Variants in MAPK8IP3 observed in about 807,000 individuals in gnomAD.
The protein encoded by MAPK8IP3 is C-Jun-amino-terminal kinase-interacting protein 3.
In MAPK8IP3, 49 loss-of-function variants were observed where a neutral mutation model predicts 157.8. That is an observed-to-expected ratio of 0.31 (90% confidence interval 0.25 to 0.39). The LOEUF (loss-of-function observed/expected upper bound fraction) is 0.39, where lower values mean the gene tolerates loss of function less well. Ranked by LOEUF, MAPK8IP3 falls within the 10% of genes least tolerant of loss-of-function variation. MAPK8IP3 has a pLI of 1.00. For missense variants in MAPK8IP3, 1,478 were observed against 1,889.4 expected (o/e 0.78, Z 4.04); for synonymous variants, 897 against 777.7 (o/e 1.15, Z -2.55).
intron 1 of MAPK8IP3, among the ~76,000 whole-genome samples, chr16:1,722,068 A>C (rs1473141450): frequency 2.0e-5 from 3 of 152,120 alleles, no homozygotes; most frequent in Admixed American, 2.0e-4. Flanking sequence ...CCGCACCCAG[A>C]CAACTTTTTG....
chr16:1,743,413 G>A lies in MAPK8IP3; in HGVS notation c.684G>A (p.Val228=). ...TVRAQIGGKL[V]PAGDHWHLSD... ...GTGCACAGATCGGGGGCAAGCTCGT[G>A]CCTGCGGGGGACCACTGGCACCTGA... The change falls in exon 5 of 32, where the codon GTG becomes GTA. Residue 228 remains valine (V), a synonymous_variant. Coordinates refer to ENST00000610761, the MANE Select transcript of MAPK8IP3 (RefSeq NM_001318852.2). This position sits in a 1 kb window ranked among gnomAD's most constrained non-coding sequence, Gnocchi z 5.6. 6.2e-7 allele frequency: 1 copy of A among 1,609,832 alleles called. No individual in the cohort carries two copies. The highest frequency in any genetic ancestry group is 8.5e-7 in the Non-Finnish European group (1 of 1,178,520).
At chr16:1,730,467 C>G (rs966599831) in intron 4 of MAPK8IP3, among the ~76,000 whole-genome samples, 4 of 150,806 alleles carry the variant, frequency 2.7e-5, no homozygotes, top group African/African-American at 9.8e-5. Flanking sequence ...AAGCCGGGCT[C>G]AGTGGCTCAC....
intron 1 of MAPK8IP3, among the ~76,000 whole-genome samples, chr16:1,723,814 C>T (rs1156832846): frequency 5.9e-5 from 9 of 152,226 alleles, no homozygotes; most frequent in Admixed American, 2.6e-4. Flanking sequence ...GGCCCCCAGG[C>T]TCCTCAGACC....
At chr16:1,752,616 T>C (rs2041357710) in intron 8 of MAPK8IP3, 1 of 264,336 alleles carries the variant, frequency 3.8e-6, no homozygotes, top group South Asian at 3.0e-5. Context: ...GGCATGGTGG[T>C]GTGCACCTGT....
At chr16:1,736,491 C>T (rs2039846400) in intron 4 of MAPK8IP3, among the ~76,000 whole-genome samples, 1 of 37,448 alleles carries the variant, frequency 2.7e-5, no homozygotes. Context: ...TGACCGTGAG[C>T]GTCCGTGTGA....
intron 8 of MAPK8IP3, among the ~76,000 whole-genome samples, chr16:1,753,939 C>T (rs1197627096): frequency 1.3e-5 from 2 of 151,724 alleles, no homozygotes; most frequent in East Asian, 2.0e-4. Context: ...TCTGGGAGGC[C>T]GAGGCGGGTG....
In MAPK8IP3 at chr16:1,743,383, G is replaced by A. The variant is rs1003264680; in HGVS notation, c.654G>A (p.Thr218=). The part of the protein sequence containing the change: ...SLNVFPLADG[T]VRAQIGGKLV... ...ACGTGTTCCCCCTGGCTGACGGCAC[G>A]GTACGTGCACAGATCGGGGGCAAGC... The change falls in exon 5 of 32, where the codon ACG becomes ACA. Residue 218 remains threonine (T), a synonymous_variant. Coordinates refer to ENST00000610761, the MANE Select transcript of MAPK8IP3 (RefSeq NM_001318852.2). The surrounding 1 kb of genome is among the most constrained non-coding windows in gnomAD (Gnocchi z 5.6). 1.0e-4 allele frequency: 157 copies of A among 1,576,650 alleles called. No individual in the cohort carries two copies. The highest frequency in any genetic ancestry group is 1.2e-4 in the Non-Finnish European group (137 of 1,165,152).
At chr16:1,730,127 A>G (rs1327262699) in intron 4 of MAPK8IP3, among the ~76,000 whole-genome samples, 1 of 151,902 alleles carries the variant, frequency 6.6e-6, no homozygotes, top group African/African-American at 2.4e-5. Flanking sequence ...TACTGCCTCA[A>G]ATAACTACCT....
rs1177234326 is a variant in MAPK8IP3, at chr16:1,767,713, G to A, written c.3387G>A (p.Glu1129=). ...THQHLQDVDI[E]PYVSKMLGTG... ...AGCATCTACAGGACGTGGACATTGA[G>A]CCCTACGTCAGCAAGATGCTAGGTG... The change falls in exon 27 of 32, where the codon GAG becomes GAA. Residue 1129 remains glutamate, a synonymous_variant. Coordinates refer to ENST00000610761, the MANE Select transcript of MAPK8IP3 (RefSeq NM_001318852.2). The A allele has an allele frequency of 1.9e-6, 3 of 1,612,782 alleles. No homozygotes were observed. Among genetic ancestry groups the A allele is most frequent in the Admixed American group, 1.7e-5 (1 of 60,012 alleles).
chr16:1,767,358 G>A (rs923346085), intron 26 of MAPK8IP3, 61 bp downstream of exon 26: 16 of 1,600,656 alleles, frequency 1.0e-5, no homozygotes, highest in African/African-American at 4.0e-5. Flanking sequence ...CAGCTCTCCC[G>A]CATCTTCCAT....
At chr16:1,757,012 G>T (rs1414076520) in intron 8 of MAPK8IP3, among the ~76,000 whole-genome samples, 1 of 151,684 alleles carries the variant, frequency 6.6e-6, no homozygotes, top group African/African-American at 2.4e-5. Flanking sequence ...CTGGGAAGCC[G>T]AGATGAGAGA....
intron 5 of MAPK8IP3, chr16:1,744,274 A>C: frequency 1.0e-6 from 1 of 985,652 alleles, no homozygotes; most frequent in Non-Finnish European, 1.2e-6. Flanking sequence ...ATGTCCACAG[A>C]GGCAGAGCCC....
intron 6 of MAPK8IP3, 79 bp from the exon 7 acceptor site, chr16:1,748,165 G>A (rs1490609668): frequency 1.0e-5 from 11 of 1,078,418 alleles, no homozygotes; most frequent in Non-Finnish European, 1.4e-5. Flanking sequence ...ACCAGACTCA[G>A]GTTCCGAGGG....
chr16:1,746,270 C>T (rs2040956132), intron 5 of MAPK8IP3: 2 of 152,244 alleles, frequency 1.3e-5, no homozygotes. Context: ...TTAGGAAAGA[C>T]CATTGGAAAG....
intron 31 of MAPK8IP3, 23 bp downstream of exon 31, chr16:1,768,649 G>T (rs1446197807): frequency 6.2e-7 from 1 of 1,610,542 alleles, no homozygotes; most frequent in East Asian, 2.2e-5. Context: ...CAGGGACAGG[G>T]CTGAGGTTGG....
rs188462825 is a variant in MAPK8IP3 at position 1,749,194 on chromosome 16, G to A, written c.1216+474G>A. On this transcript the variant is annotated intron_variant, in intron 8 of 31. Transcript: ENST00000610761. ...GTCGACTGTATCATAAAATTCACCC[G>A]CTTCGAGTGCACGGTGCGGTGGGTT... 1.6e-3 allele frequency among the ~76,000 whole-genome samples: 246 copies of A among 152,268 alleles called. 2 individuals are homozygous for A. The highest frequency in any genetic ancestry group is 3.4e-3 in the Middle Eastern group (1 of 294).
chr16:1,725,093 G>C (rs1033702106), intron 2 of MAPK8IP3, among the ~76,000 whole-genome samples: 2 of 151,976 alleles, frequency 1.3e-5, no homozygotes. Flanking sequence ...GCGCCTAGGT[G>C]GGGGGCACAG....
Position 1,706,525 on chromosome 16 carries a change from G to C in MAPK8IP3, c.186G>C (p.Val62=), listed in dbSNP as rs756734653. The C allele has an allele frequency of 6.2e-7, 1 of 1,613,958 alleles. No homozygotes were observed. The highest frequency in any genetic ancestry group is 1.3e-5 in the African/African-American group (1 of 74,920). The change falls in exon 1 of 32, where the codon GTG becomes GTC. Residue 62 remains valine, a synonymous_variant. Coordinates refer to ENST00000610761, the MANE Select transcript of MAPK8IP3 (RefSeq NM_001318852.2). This position sits in a 1 kb window ranked among gnomAD's most constrained non-coding sequence, Gnocchi z 5.1. ...VKELMPLVVN[V]LENLDSVLSE... ...AGCTCATGCCGCTGGTGGTGAACGT[G>C]CTGGAGAACCTAGACTCGGTGCTCA...
rs950726574 is a variant in MAPK8IP3, at chr16:1,710,776, A to G, written c.318+4119A>G. 6.6e-6 allele frequency among the ~76,000 whole-genome samples: 1 copy of G among 152,256 alleles called. No homozygotes were observed. Among genetic ancestry groups the G allele is most frequent in the Admixed American group, 6.5e-5 (1 of 15,290 alleles). On this transcript the variant is annotated intron_variant, in intron 1 of 31. Transcript: ENST00000610761. The surrounding 1 kb of genome is among the most constrained non-coding windows in gnomAD (Gnocchi z 4.1). ...CCTGCCATGTTATGATATTAAGAAC[A>G]GTTTTTTAAAAAATGTTTTTTAAAT...
Sources: gnomAD v4.1 joint callset for allele counts (sites outside exome capture counted in the v4.1 genomes callset) on GRCh38, gnomAD v4.1.1 for gene constraint, Gnocchi (gnomAD v3.1) non-coding constraint, MANE v1.5 for transcripts, NCBI Gene and HGNC (gene_info 2026-07-23, HGNC 2026-07-21) for gene names.